Variants in CATSPERT observed in about 807,000 individuals in gnomAD.
CATSPERT encodes the protein cation channel sperm-associated targeting subunit tau.
the CATSPERT span, among the ~76,000 whole-genome samples, chr2:201,530,264 G>A: frequency 6.8e-6 from 1 of 147,844 alleles, no homozygotes; most frequent in East Asian, 2.1e-4. Flanking sequence ...TATATCCAAA[G>A]GATTTGAAGT....
At chr2:201,548,920 A>C in the CATSPERT span, among the ~76,000 whole-genome samples, 1 of 152,124 alleles carries the variant, frequency 6.6e-6, no homozygotes, top group Admixed American at 6.6e-5. Context: ...CAGTCTAATG[A>C]CTATGAATGC....
the CATSPERT span, among the ~76,000 whole-genome samples, chr2:201,562,522 ATTTAT>A: frequency 2.3e-3 from 259 of 113,336 alleles, no homozygotes; most frequent in African/African-American, 6.9e-3. Flanking sequence ...TTATTTATTT[ATTTAT>A]TTTTTTTATT....
chr2:201,612,573 C>A, the CATSPERT span, among the ~76,000 whole-genome samples: 1 of 104,652 alleles, frequency 9.6e-6, no homozygotes, highest in African/African-American at 3.6e-5. Context: ...GAATGAGACT[C>A]CATCTTGGAA....
At chr2:201,618,995 A>C in the CATSPERT span, 2 of 1,613,862 alleles carry the variant, frequency 1.2e-6, no homozygotes, top group South Asian at 2.2e-5. Flanking sequence ...GAAGCCTCCG[A>C]CCCTTTAATG....
chr2:201,503,676 GT>G, the CATSPERT span, among the ~76,000 whole-genome samples: 1 of 152,342 alleles, frequency 6.6e-6, no homozygotes, highest in African/African-American at 2.4e-5. Context: ...GGGATTGCAG[GT>G]GTGAGCCACT....
At chr2:201,604,817 A>G in the CATSPERT span, 1 of 514,214 alleles carries the variant, frequency 1.9e-6, no homozygotes, top group Non-Finnish European at 3.3e-6. Flanking sequence ...GTATTGGGGT[A>G]TTAATATGAT....
At chr2:201,585,083 A>G in the CATSPERT span, among the ~76,000 whole-genome samples, 1 of 152,196 alleles carries the variant, frequency 6.6e-6, no homozygotes, top group Non-Finnish European at 1.5e-5. Flanking sequence ...CTCAAAAAAA[A>G]TTTCATTCAA....
the CATSPERT span, among the ~76,000 whole-genome samples, chr2:201,589,356 T>C: frequency 3.9e-5 from 6 of 152,126 alleles, no homozygotes; most frequent in South Asian, 4.2e-4. Context: ...CTTCAAACTA[T>C]ACTACAGGGC....
At chr2:201,579,297 TG>T in the CATSPERT span, among the ~76,000 whole-genome samples, 1 of 152,070 alleles carries the variant, frequency 6.6e-6, no homozygotes, top group Non-Finnish European at 1.5e-5. Context: ...TGGGGTGCAG[TG>T]GTGCAATCAT....
At chr2:201,595,346 G>T in the CATSPERT span, among the ~76,000 whole-genome samples, 3 of 151,714 alleles carry the variant, frequency 2.0e-5, no homozygotes, top group Non-Finnish European at 4.4e-5. Context: ...CCGCCACCTC[G>T]CCCGGCTAAT....
the CATSPERT span, among the ~76,000 whole-genome samples, chr2:201,547,102 T>C: frequency 6.6e-6 from 1 of 152,096 alleles, no homozygotes; most frequent in Non-Finnish European, 1.5e-5. Context: ...AGTTGACTAA[T>C]TGCTGCCTAG....
chr2:201,544,502 A>C, the CATSPERT span, among the ~76,000 whole-genome samples: 13 of 151,848 alleles, frequency 8.6e-5, no homozygotes, highest in South Asian at 1.3e-3. Context: ...TGTAATGCTA[A>C]TCTAATTTCC....
chr2:201,583,974 A>G, the CATSPERT span, among the ~76,000 whole-genome samples: 3 of 152,218 alleles, frequency 2.0e-5, no homozygotes, highest in Admixed American at 6.5e-5. Context: ...TAAAAACACT[A>G]TATCAACTCA....
the CATSPERT span, among the ~76,000 whole-genome samples, chr2:201,595,296 C>T: frequency 1.1e-4 from 16 of 151,328 alleles, no homozygotes; most frequent in African/African-American, 3.9e-4. Context: ...TCACGCCATT[C>T]TCCTGCCTCA....
chr2:201,556,034 C>A, the CATSPERT span: 2 of 152,096 alleles, frequency 1.3e-5, no homozygotes, highest in African/African-American at 2.4e-5. Context: ...TATTCTAGGA[C>A]CTACATACTG....
the CATSPERT span, among the ~76,000 whole-genome samples, chr2:201,602,608 T>C: frequency 2.0e-5 from 3 of 152,288 alleles, no homozygotes; most frequent in African/African-American, 7.2e-5. Flanking sequence ...AGAAGATATA[T>C]ATTTTTCCTT....
the CATSPERT span, chr2:201,582,178 A>C: frequency 6.2e-7 from 1 of 1,607,570 alleles, no homozygotes; most frequent in East Asian, 2.2e-5. Flanking sequence ...ATGAGTTCCA[A>C]TAAAATATTA....
the CATSPERT span, among the ~76,000 whole-genome samples, chr2:201,548,722 C>T: frequency 6.6e-6 from 1 of 151,878 alleles, no homozygotes; most frequent in Non-Finnish European, 1.5e-5. Context: ...TAAAACCTGA[C>T]AAAGACATTA....
the CATSPERT span, among the ~76,000 whole-genome samples, chr2:201,547,033 C>A: frequency 8.6e-5 from 13 of 152,006 alleles, no homozygotes; most frequent in Non-Finnish European, 1.6e-4. Context: ...AAGAACAACA[C>A]ATTGTATGAT....
Sources: allele counts gnomAD v4.1 joint callset (sites outside exome capture counted in the v4.1 genomes callset), GRCh38; gene constraint gnomAD v4.1.1; transcripts MANE v1.5; gene names NCBI Gene and HGNC (gene_info 2026-07-23, HGNC 2026-07-21).